Variants in GK observed in about 807,000 individuals in gnomAD.
GK encodes the protein glycerol kinase.
GK carries 9 observed loss-of-function variants against 56.4 expected under a neutral mutation model. The ratio of observed to expected loss-of-function variants is 0.16; its 90% CI spans 0.10 to 0.28. The LOEUF (loss-of-function observed/expected upper bound fraction) is 0.28, where lower values mean the gene tolerates loss of function less well. Among genes scored for constraint, GK ranks in the 10% least tolerant of loss-of-function variants. The pLI, the probability that GK is intolerant of heterozygous loss-of-function variation, is 1.00. For missense variants in GK, 161 were observed against 431.4 expected, an observed-to-expected ratio of 0.37 and a Z score of 5.55; for synonymous variants, 104 against 144.1, an observed-to-expected ratio of 0.72 and a Z score of 1.99.
At chrX:30,728,600 T>C (rs1937240744) in intron 20 of GK, 132 bp from the exon 21 acceptor site, 2 of 553,083 alleles carry the variant, frequency 3.6e-6, no homozygotes, top group Non-Finnish European at 6.5e-6. Flanking sequence ...TGTTGCATTT[T>C]AATTGTGAGG....
At chrX:30,680,842 T>C (rs1314301418) in intron 4 of GK, among the ~76,000 whole-genome samples, 2 of 111,528 alleles carry the variant, frequency 1.8e-5, no homozygotes, top group South Asian at 3.8e-4. Flanking sequence ...TCCCAGACTT[T>C]GGACTGGGAC....
intron 3 of GK, among the ~76,000 whole-genome samples, chrX:30,670,135 G>T (rs184760513): frequency 8.0e-5 from 9 of 112,002 alleles, no homozygotes; most frequent in Non-Finnish European, 1.3e-4. Flanking sequence ...AGCTGTTCTT[G>T]CACTTCTCAC....
intron 1 of GK, among the ~76,000 whole-genome samples, chrX:30,654,600 G>A (rs1339227733): frequency 9.0e-6 from 1 of 110,787 alleles, no homozygotes; most frequent in Non-Finnish European, 1.9e-5. Context: ...GCGGGCGCCT[G>A]TAATCCTACT....
At chrX:30,663,963 ATATATATATTTTATATATATC>A (rs1242259815) in intron 1 of GK, among the ~76,000 whole-genome samples, 11 of 93,620 alleles carry the variant, frequency 1.2e-4, no homozygotes, top group African/African-American at 4.0e-4. Context: ...TCTATATATT[ATATATATATTTTATATATATC>A]TATATATATT....
At chrX:30,711,640 G>A (rs773428691) in intron 13 of GK, among the ~76,000 whole-genome samples, 2 of 110,815 alleles carry the variant, frequency 1.8e-5, no homozygotes, top group Non-Finnish European at 3.8e-5. Context: ...TCTGTGCTGC[G>A]TCCCTGGTGA....
chrX:30,689,329 G>C (rs1934799442), intron 4 of GK: 1 of 262,159 alleles, frequency 3.8e-6, no homozygotes, highest in Non-Finnish European at 7.3e-6. Context: ...GACTGCCCTT[G>C]TTCCCTGGGC....
intron 4 of GK, among the ~76,000 whole-genome samples, chrX:30,690,788 TCTCTGGCCTCATGTATA>T (rs1934888511): frequency 1.8e-5 from 2 of 111,879 alleles, no homozygotes; most frequent in South Asian, 7.4e-4. Flanking sequence ...TTTTAGATAT[TCTCTGGCCTCATGTATA>T]CTTAGAAAAT....
chrX:30,704,964 G>A (rs749982295), intron 11 of GK, among the ~76,000 whole-genome samples: 9 of 112,376 alleles, frequency 8.0e-5, no homozygotes, highest in Admixed American at 9.4e-5. Context: ...GTAGGAAATC[G>A]AAGACATGTG....
chrX:30,665,057 G>A (rs1036276642), intron 1 of GK, among the ~76,000 whole-genome samples: 2 of 108,230 alleles, frequency 1.8e-5, no homozygotes, highest in African/African-American at 3.4e-5. Flanking sequence ...CCCTTCAAAG[G>A]AATCTACACA....
intron 5 of GK, among the ~76,000 whole-genome samples, chrX:30,693,484 A>G (rs1935087334): frequency 9.0e-6 from 1 of 111,652 alleles, no homozygotes; most frequent in Non-Finnish European, 1.9e-5. Context: ...TCTGTTTAAT[A>G]TATTTGCTAA....
intron 20 of GK, among the ~76,000 whole-genome samples, chrX:30,727,992 T>G (rs1012178031): frequency 8.9e-6 from 1 of 111,797 alleles, no homozygotes; most frequent in African/African-American, 3.2e-5. Context: ...AGCCAGAGCA[T>G]GTCCACAGAG....
intron 11 of GK, 145 bp downstream of exon 11, chrX:30,701,050 T>A: frequency 2.1e-6 from 1 of 475,709 alleles, no homozygotes; most frequent in Non-Finnish European, 3.8e-6. Flanking sequence ...CTTTTTACCA[T>A]TTTTTTATAT....
chrX:30,717,403 A>G (rs961047453), intron 13 of GK, among the ~76,000 whole-genome samples: 6 of 110,334 alleles, frequency 5.4e-5, no homozygotes, highest in African/African-American at 2.0e-4. Context: ...TAGTAATACT[A>G]TATTTACAGA....
At chrX:30,691,070 T>C in intron 4 of GK, 53 bp from the exon 5 acceptor site, 1 of 683,715 alleles carries the variant, frequency 1.5e-6, no homozygotes, top group Non-Finnish European at 2.4e-6. Context: ...TTCAGTAAGT[T>C]CTTATTTTTT....
intron 5 of GK, among the ~76,000 whole-genome samples, chrX:30,692,940 TA>T (rs1935043237): frequency 9.3e-6 from 1 of 107,838 alleles, no homozygotes; most frequent in African/African-American, 3.3e-5. Context: ...AGTTAGGTGA[TA>T]AATAAGAATA....
At chrX:30,697,655 C>A in intron 8 of GK, 77 bp from the exon 9 acceptor site, 1 of 714,533 alleles carries the variant, frequency 1.4e-6, no homozygotes, top group Non-Finnish European at 2.2e-6. Flanking sequence ...GAAAAAAAAA[C>A]GTGGAACTGG....
intron 15 of GK, 141 bp from the exon 16 acceptor site, chrX:30,719,870 T>C (rs950452416): frequency 2.4e-5 from 12 of 497,798 alleles, no homozygotes; most frequent in Admixed American, 1.7e-4. Flanking sequence ...TATAAGGACT[T>C]TCTGAGTTAC....
At chrX:30,685,332 A>G (rs1260019390) in intron 4 of GK, among the ~76,000 whole-genome samples, 2 of 110,916 alleles carry the variant, frequency 1.8e-5, no homozygotes, top group Non-Finnish European at 3.8e-5. Flanking sequence ...ACGGGGTTTC[A>G]CCGTGTTAGC....
intron 9 of GK, chrX:30,700,182 T>C: frequency 2.7e-6 from 1 of 373,830 alleles, no homozygotes; most frequent in Non-Finnish European, 4.7e-6. Flanking sequence ...CCTCATTTAC[T>C]GGCTCCCAGT....
Sources: gnomAD v4.1 joint callset for allele counts (sites outside exome capture counted in the v4.1 genomes callset) on GRCh38, gnomAD v4.1.1 for gene constraint, MANE v1.5 for transcripts, NCBI Gene and HGNC (gene_info 2026-07-23, HGNC 2026-07-21) for gene names.